SHISA6: variants seen among roughly 807,000 people sequenced by gnomAD.
SHISA6 encodes the protein protein shisa-6.
In SHISA6, 22 loss-of-function variants were observed where a neutral mutation model predicts 47.9. The ratio of observed to expected loss-of-function variants is 0.46; its 90% CI spans 0.33 to 0.66. SHISA6 has a LOEUF of 0.66. Among genes scored for constraint, SHISA6 ranks in the 30% least tolerant of loss-of-function variants. The pLI is 0.02. For missense variants in SHISA6, 680 were observed against 764.6 expected (o/e 0.89, Z 1.30); for synonymous variants, 388 against 337.8 (o/e 1.15, Z -1.63).
chr17:11,358,581 G>A (rs1168177798), intron 2 of SHISA6, among the ~76,000 whole-genome samples: 5 of 151,542 alleles, frequency 3.3e-5, no homozygotes, highest in African/African-American at 4.9e-5. Context: ...GGATGGTCTC[G>A]ATCTCCTGAC....
chr17:11,542,121 C>T (rs974765990), intron 3 of SHISA6, among the ~76,000 whole-genome samples: 1 of 152,156 alleles, frequency 6.6e-6, no homozygotes, highest in African/African-American at 2.4e-5. Flanking sequence ...CCCCGCTGAT[C>T]GGTCAGCACA....
chr17:11,331,048 A>G (rs1911088742), intron 2 of SHISA6, among the ~76,000 whole-genome samples: 1 of 152,214 alleles, frequency 6.6e-6, no homozygotes, highest in Non-Finnish European at 1.5e-5. Flanking sequence ...AACTGGCTGC[A>G]TTCCTTGAGG....
chr17:11,272,177 T>C (rs535764826), intron 2 of SHISA6, among the ~76,000 whole-genome samples: 1 of 152,256 alleles, frequency 6.6e-6, no homozygotes, highest in Admixed American at 6.5e-5. Context: ...ACTCCTTCCA[T>C]GGACACCAAA....
intron 2 of SHISA6, among the ~76,000 whole-genome samples, chr17:11,291,754 G>T (rs1448235514): frequency 6.6e-6 from 1 of 152,050 alleles, no homozygotes; most frequent in Non-Finnish European, 1.5e-5. Context: ...CTCTCTCCCG[G>T]ACTTGTAGGT....
intron 2 of SHISA6, among the ~76,000 whole-genome samples, chr17:11,350,599 C>T (rs1341591960): frequency 6.6e-6 from 1 of 152,048 alleles, no homozygotes; most frequent in Non-Finnish European, 1.5e-5. Context: ...TCCCCTCTTC[C>T]CTCAGTCCAC....
In SHISA6 at chr17:11,357,187, C is replaced by CAAA. The variant is rs60564976; in HGVS notation, c.800-22208_800-22206dup. Among the ~76,000 whole-genome samples, 389 of 89,862 alleles carry CAAA rather than the reference C, an allele frequency of 4.3e-3. 26 individuals are homozygous for CAAA. Among genetic ancestry groups the CAAA allele is most frequent in the Middle Eastern group, 0.016 (2 of 128 alleles). The allele number at this position is 89,862 out of a possible 152,430, so 59.0% of individuals were successfully genotyped here. On this transcript the variant is annotated intron_variant, in intron 2 of 5. Transcript: ENST00000441885. Reference sequence around the variant, plus strand: ...TGGGCGACAGAGCGAGACTCCGTCTCAAAAAAAAAAAAAAAAAAAAATGAA... The same window carrying CAAA: ...TGGGCGACAGAGCGAGACTCCGTCTCAAAAAAAAAAAAAAAAAAAAAAAATGAA...
chr17:11,336,898 G>T (rs997384521), intron 2 of SHISA6, among the ~76,000 whole-genome samples: 1 of 152,178 alleles, frequency 6.6e-6, no homozygotes, highest in African/African-American at 2.4e-5. Context: ...ACTCCCTCCA[G>T]GGCAGGCAGC....
At chr17:11,314,529 A>ATTTTTTTTTTTT (rs200230465) in intron 2 of SHISA6, among the ~76,000 whole-genome samples, 1 of 143,652 alleles carries the variant, frequency 7.0e-6, no homozygotes, top group Non-Finnish European at 1.5e-5. Flanking sequence ...CTGTTTTTTC[A>ATTTTTTTTTTTT]TTTTTTTGTT....
At chr17:11,468,703 C>T (rs181280103) in intron 3 of SHISA6, among the ~76,000 whole-genome samples, 27 of 152,194 alleles carry the variant, frequency 1.8e-4, no homozygotes, top group Admixed American at 4.6e-4. Context: ...CTGGGTGCAA[C>T]GGCTTCTACC....
intron 3 of SHISA6, among the ~76,000 whole-genome samples, chr17:11,440,369 A>G (rs1915061853): frequency 1.3e-5 from 2 of 152,048 alleles, no homozygotes; most frequent in African/African-American, 2.4e-5. Context: ...GGAAAATCCA[A>G]TTTGTAACCA....
intron 3 of SHISA6, among the ~76,000 whole-genome samples, chr17:11,412,028 C>T (rs141881606): frequency 6.6e-6 from 1 of 152,136 alleles, no homozygotes; most frequent in East Asian, 1.9e-4. Context: ...AAAAGGTTGT[C>T]TCTGAAAAAA....
chr17:11,310,627 G>A (rs540844376), intron 2 of SHISA6, among the ~76,000 whole-genome samples: 27 of 152,300 alleles, frequency 1.8e-4, no homozygotes, highest in African/African-American at 5.5e-4. Flanking sequence ...GAGATGGGAA[G>A]CTCTTAGAGG....
chr17:11,263,607 T>C (rs1908322415), intron 2 of SHISA6, 81 bp downstream of exon 2: 2 of 1,498,656 alleles, frequency 1.3e-6, no homozygotes, highest in African/African-American at 1.4e-5. Context: ...TGGGGCAGGT[T>C]GTGGACCATG....
chr17:11,538,681 G>A (rs1212751512), intron 3 of SHISA6, among the ~76,000 whole-genome samples: 1 of 152,162 alleles, frequency 6.6e-6, no homozygotes, highest in African/African-American at 2.4e-5. Context: ...AATTTATGGG[G>A]TGGAACGAAG....
At chr17:11,392,770 G>A (rs750695991) in intron 3 of SHISA6, among the ~76,000 whole-genome samples, 7 of 152,310 alleles carry the variant, frequency 4.6e-5, no homozygotes, top group South Asian at 2.1e-4. Context: ...AGAAGCTTAC[G>A]CTTATGCAAT....
At chr17:11,452,484 G>A (rs978548611) in intron 3 of SHISA6, among the ~76,000 whole-genome samples, 3 of 152,152 alleles carry the variant, frequency 2.0e-5, no homozygotes, top group South Asian at 2.1e-4. Context: ...GAGTGACTCA[G>A]TGGATCACCA....
chr17:11,313,241 A>G (rs1043614305), intron 2 of SHISA6, among the ~76,000 whole-genome samples: 9 of 136,870 alleles, frequency 6.6e-5, no homozygotes, highest in Non-Finnish European at 1.1e-4. Flanking sequence ...GAATTTTTCT[A>G]TTTTTCCAAT....
At chr17:11,378,077 C>T (rs776221835) in intron 2 of SHISA6, among the ~76,000 whole-genome samples, 1 of 152,172 alleles carries the variant, frequency 6.6e-6, no homozygotes, top group Non-Finnish European at 1.5e-5. Context: ...GATTCCAGCA[C>T]GCACCCAGGG....
intron 1 of SHISA6, among the ~76,000 whole-genome samples, chr17:11,256,537 C>T (rs932765424): frequency 1.3e-5 from 2 of 152,116 alleles, no homozygotes; most frequent in East Asian, 1.9e-4. Context: ...TCACAAGAAT[C>T]GTAATGGCAG....
Sources: allele counts gnomAD v4.1 joint callset (sites outside exome capture counted in the v4.1 genomes callset), GRCh38; gene constraint gnomAD v4.1.1; transcripts MANE v1.5; gene names NCBI Gene and HGNC (gene_info 2026-07-23, HGNC 2026-07-21).